The following PRAME variants were observed in gnomAD, a reference collection of about 807,000 sequenced individuals.
The protein encoded by PRAME is melanoma antigen preferentially expressed in tumors.
Under a neutral mutation model 32.1 loss-of-function variants are expected in PRAME, and 21 were observed. That is an observed-to-expected ratio of 0.65 (90% confidence interval 0.46 to 0.94). PRAME has a LOEUF of 0.94. Ranked by LOEUF, PRAME falls within the 40% of genes least tolerant of loss-of-function variation. The probability of loss-of-function intolerance (pLI) is 0.00; values close to 1 mark genes in which losing one functional copy is unlikely to be tolerated. For synonymous variants in PRAME, 274 were observed against 251.5 expected (o/e 1.09, Z -0.85); for missense variants, 651 against 622.3 (o/e 1.05, Z -0.49).
Position 22,550,378 on chromosome 22 carries a change from T to G in PRAME, c.345-44A>C, listed in dbSNP as rs141864156. On this transcript the variant is annotated intron_variant, in intron 4 of 5. Transcript: ENST00000405655. ...AATTAGCTGAGATGATGCTTTAAGA[T>G]CAACTCAAAATAAGACCATGAGTCT... 1.1e-4 allele frequency: 176 copies of G among 1,587,926 alleles called. 3 individuals are homozygous for G. In the East Asian group the frequency reaches 1.5e-3, roughly 14 times the overall value.
intron 3 of PRAME, chr22:22,554,343 C>T: frequency 1.3e-6 from 1 of 749,874 alleles, no homozygotes; most frequent in Non-Finnish European, 1.6e-6. Context: ...GGCTGTAATT[C>T]GTTGAAGGAT....
rs10709082 is a variant in PRAME, at chr22:22,552,405, CAAA to C, written c.22-1319_22-1317del. 2.2e-3 allele frequency among the ~76,000 whole-genome samples: 272 copies of C among 121,536 alleles called. 1 individual carries two copies. The highest frequency in any genetic ancestry group is 6.6e-3 in the African/African-American group (228 of 34,722). 79.7% of individuals were successfully genotyped at this position (121,536 alleles called of 152,430 possible). A position where few individuals can be genotyped will look rare whatever the true frequency, so the allele number is the denominator to read the frequency against. ...TTCAAAGTAGATGTCTTTTATTTTC[CAAA>C]AAAAAAAAAAAAAGCCGTTTAAGAA... On this transcript the variant is annotated intron_variant, in intron 3 of 5. Transcript: ENST00000405655.
chr22:22,553,878 G>A lies in PRAME; in HGVS notation c.22-2789C>T, dbSNP rs739463. ...TCTTCCACACTGGGGCTGTTCACAA[G>A]CAGCAGGTCAGGCCTTTACCACAAA... is the stretch of plus-strand genomic sequence containing the variant. On this transcript the variant is annotated intron_variant, in intron 3 of 5. Transcript: ENST00000405655. The A allele has an allele frequency of 4.5e-5, 44 of 985,012 alleles. No homozygotes were observed. In the Admixed American group the frequency reaches 9.8e-4, roughly 22 times the overall value. The allele number at this position is 985,012 out of a possible 1,614,324, so 61.0% of individuals were successfully genotyped here. A position where few individuals can be genotyped will look rare whatever the true frequency, so the allele number is the denominator to read the frequency against.
In PRAME at chr22:22,553,696, G is replaced by A. The variant is rs2062735998; in HGVS notation, c.22-2607C>T. The A allele has an allele frequency of 5.6e-6, 4 of 718,470 alleles. No homozygotes were observed. The South Asian group carries it at 1.9e-4, about 34-fold the overall frequency. The allele number at this position is 718,470 out of a possible 1,614,324, so 44.5% of individuals were successfully genotyped here. On this transcript the variant is annotated intron_variant, in intron 3 of 5. Coordinates refer to ENST00000405655, the MANE Select transcript of PRAME (RefSeq NM_206956.3). The stretch of plus-strand genomic sequence containing the variant: ...GAGAGGTGGGATAGAGAGTAATATT[G>A]GTGACCAAACCTAGGACAGCAACAT...
intron 3 of PRAME, 46 bp downstream of exon 3, chr22:22,556,766 A>C (rs750413670): frequency 1.2e-5 from 19 of 1,610,712 alleles, no homozygotes; most frequent in Non-Finnish European, 1.6e-5. Context: ...ACAGAGGGGA[A>C]CAGGGCTTCT....
At chr22:22,556,156 C>T (rs181298948) in intron 3 of PRAME, among the ~76,000 whole-genome samples, 7 of 151,532 alleles carry the variant, frequency 4.6e-5, no homozygotes, top group East Asian at 2.0e-4. Context: ...TGGGCCACCA[C>T]GCCCAGCTAA....
chr22:22,557,157 T>C (rs1236304734), intron 2 of PRAME: 1 of 437,480 alleles, frequency 2.3e-6, no homozygotes, highest in Non-Finnish European at 4.2e-6. Flanking sequence ...TCAAGGACCC[T>C]GACTACGGTC....
Position 22,548,266 on chromosome 22 carries a change from G to C in PRAME, c.1331C>G (p.Pro444Arg), listed in dbSNP as rs561739937. The part of the protein sequence containing the change: ...SNLTHVLYPV[P>R]LESYEDIHGT... ...ATGGATGTCCTCATAACTCTCCAGG[G>C]GGACAGGATACAGCACGTGGGTCAG... is the stretch of plus-strand genomic sequence containing the variant. Residue 444 changes from proline to arginine, a missense_variant, in exon 6 of 6, where the codon CCC (proline) becomes CGC (arginine). By Grantham distance (103) the Pro-to-Arg change is moderately radical (BLOSUM62 -2). Coordinates refer to ENST00000405655, the MANE Select transcript of PRAME (RefSeq NM_206956.3). The C allele has an allele frequency of 1.2e-6, 2 of 1,613,834 alleles. No individual in the cohort carries two copies. The highest frequency in any genetic ancestry group is 1.7e-6 in the Non-Finnish European group (2 of 1,179,962).
At chr22:22,557,414 G>C (rs1601847183) in intron 2 of PRAME, 131 bp downstream of exon 2, 1 of 157,142 alleles carries the variant, frequency 6.4e-6, no homozygotes, top group African/African-American at 2.4e-5. Flanking sequence ...GACCCAAGTG[G>C]CGCACATTAT....
chr22:22,548,326 T>C lies in PRAME; in HGVS notation c.1271A>G (p.Gln424Arg). Residue 424 changes from glutamine (Q) to arginine (R), a missense_variant, in exon 6 of 6, where the codon CAG becomes CGG. Physicochemically the swap from Gln to Arg is conservative, Grantham distance 43. Transcript: ENST00000405655. Reference sequence around the variant, plus strand: ...CCCGATGAGGTGCTGCAGGAGACTCTGCAGGGCAGATATGGAGATGGAATT... The same window carrying C: ...CCCGATGAGGTGCTGCAGGAGACTCCGCAGGGCAGATATGGAGATGGAATT... The part of the protein sequence containing the change: ...YGNSISISAL[Q>R]SLLQHLIGLS... 1 of 1,613,738 alleles carries C rather than the reference T, an allele frequency of 6.2e-7. No homozygotes were observed. The highest frequency in any genetic ancestry group is 1.1e-5 in the South Asian group (1 of 91,060).
In PRAME at chr22:22,556,845, T is replaced by A; in HGVS notation, c.-13A>T. On this transcript the variant is annotated 5_prime_UTR_variant, in exon 3 of 6. Transcript: ENST00000405655. ...GCCTTCGTTCCATTTTGAAGCGACT[T>A]AGGCTGGCCTCAGGACCTCCAACGC... The A allele has an allele frequency of 6.2e-7, 1 of 1,612,898 alleles. No individual in the cohort carries two copies. The highest frequency in any genetic ancestry group is 1.3e-5 in the African/African-American group (1 of 74,972).
chr22:22,555,034 T>C (rs553181146), intron 3 of PRAME, among the ~76,000 whole-genome samples: 1 of 152,096 alleles, frequency 6.6e-6, no homozygotes, highest in African/African-American at 2.4e-5. Flanking sequence ...TGCACAAAGG[T>C]GCTGTCCTTC....
At chr22:22,556,284 C>T (rs1373482391) in intron 3 of PRAME, among the ~76,000 whole-genome samples, 3 of 151,886 alleles carry the variant, frequency 2.0e-5, no homozygotes, top group Admixed American at 2.0e-4. Context: ...ATTGGGATTA[C>T]ATGCATGAGC....
chr22:22,551,180 G>A, intron 3 of PRAME, 91 bp from the exon 4 acceptor site: 1 of 1,209,428 alleles, frequency 8.3e-7, no homozygotes, highest in South Asian at 1.5e-5. Flanking sequence ...ACCAACTTAG[G>A]GCCAAAGTCA....
At chr22:22,552,961 G>A (rs559124131) in intron 3 of PRAME, 1 of 470,546 alleles carries the variant, frequency 2.1e-6, no homozygotes, top group Admixed American at 2.4e-5. Context: ...GCTGCCAACG[G>A]AAGAGCCAAA....
rs2063006020 is a variant in PRAME, at chr22:22,557,582, TG to T, written c.-113-3del. 7 of 132,792 alleles carry T rather than the reference TG, an allele frequency of 5.3e-5. No homozygotes were observed. The highest frequency in any genetic ancestry group is 6.3e-5 in the Non-Finnish European group (4 of 63,682). The allele number at this position is 132,792 out of a possible 1,614,324, so 8.2% of individuals were successfully genotyped here. Reference sequence around the variant, plus strand: ...AGAGTTCACCACACCGCGAAGTTGCTGGAAGGAAAGAACGAGACAATGGCTC... The same window carrying T: ...AGAGTTCACCACACCGCGAAGTTGCTGAAGGAAAGAACGAGACAATGGCTC... On this transcript the variant is annotated splice_polypyrimidine_tract_variant and splice_region_variant and intron_variant, in intron 1 of 5. Transcript: ENST00000405655.
rs1601794481 is a variant in PRAME, at chr22:22,549,634, T to C, written c.953+92A>G. 46 of 1,455,368 alleles carry C rather than the reference T, an allele frequency of 3.2e-5. 1 individual carries two copies. The East Asian group carries it at 1.0e-3, about 33-fold the overall frequency. The allele number at this position is 1,455,368 out of a possible 1,614,324, so 90.2% of individuals were successfully genotyped here. A position where few individuals can be genotyped will look rare whatever the true frequency, so the allele number is the denominator to read the frequency against. ...TAGTGACTTGCTCACTCTTGCATTA[T>C]TGGTGGCTGGCACATACAAGATATC... On this transcript the variant is annotated intron_variant, in intron 5 of 5. Transcript: ENST00000405655.
Position 22,556,869 on chromosome 22 carries a change from G to A in PRAME, c.-37C>T, listed in dbSNP as rs1224113609. ...TTAGGCTGGCCTCAGGACCTCCAAC[G>A]CTTGGATTTCTAGGTCTCAGTCACT... On this transcript the variant is annotated 5_prime_UTR_variant, in exon 3 of 6. Transcript: ENST00000405655. 1 of 1,612,568 alleles carries A rather than the reference G, an allele frequency of 6.2e-7. No individual in the cohort carries two copies. Among genetic ancestry groups the A allele is most frequent in the South Asian group, 1.1e-5 (1 of 91,066 alleles).
Position 22,559,211 on chromosome 22 carries a change from TC to T in PRAME, c.-355del, listed in dbSNP as rs1227548404. 2 of 293,924 alleles carry T rather than the reference TC, an allele frequency of 6.8e-6. No individual in the cohort carries two copies. The highest frequency in any genetic ancestry group is 4.7e-5 in the African/African-American group (2 of 42,288). The allele number at this position is 293,924 out of a possible 1,614,324, so 18.2% of individuals were successfully genotyped here. A position where few individuals can be genotyped will look rare whatever the true frequency, so the allele number is the denominator to read the frequency against. On this transcript the variant is annotated 5_prime_UTR_variant, in exon 1 of 6. Transcript: ENST00000405655. ...TCACGCCTGGGAAGCGGGTGGGGTG[TC>T]CCGGAGCGGTGCTGAGGCGCTGCAG... is the stretch of plus-strand genomic sequence containing the variant.
Sources: allele counts gnomAD v4.1 joint callset (sites outside exome capture counted in the v4.1 genomes callset), GRCh38; gene constraint gnomAD v4.1.1; transcripts MANE v1.5; gene names NCBI Gene and HGNC (gene_info 2026-07-23, HGNC 2026-07-21).